Variants in FGF14 observed in about 807,000 individuals in gnomAD.
FGF14 encodes fibroblast growth factor 14, also known as fibroblast growth factor homologous factor 4.
FGF14 carries 5 observed loss-of-function variants against 25.5 expected under a neutral mutation model. The ratio of observed to expected loss-of-function variants is 0.20; its 90% CI spans 0.10 to 0.41. FGF14 has a LOEUF of 0.41. Ranked by LOEUF, FGF14 falls within the 10% of genes least tolerant of loss-of-function variation. The pLI, the probability that FGF14 is intolerant of heterozygous loss-of-function variation, is 1.00. For synonymous variants in FGF14, 138 were observed against 118.3 expected (o/e 1.17, Z -1.08); for missense variants, 222 against 320.1 (o/e 0.69, Z 2.34).
chr13:101,765,683 A>G (rs1165584279), intron 3 of FGF14, among the ~76,000 whole-genome samples: 1 of 151,584 alleles, frequency 6.6e-6, no homozygotes, highest in East Asian at 1.9e-4. Context: ...TCCTCTGTGC[A>G]TATAGAAGCC....
chr13:101,840,954 C>T (rs1002861381), intron 3 of FGF14, among the ~76,000 whole-genome samples: 2 of 151,986 alleles, frequency 1.3e-5, no homozygotes, highest in South Asian at 2.1e-4. Context: ...GAGGAGTTTA[C>T]GCTGTCAAGT....
chr13:102,297,611 C>T (rs2054789123), intron 1 of FGF14, among the ~76,000 whole-genome samples: 1 of 151,670 alleles, frequency 6.6e-6, no homozygotes, highest in East Asian at 1.9e-4. Flanking sequence ...TAAAAAAGGG[C>T]ATAGGGGTTC....
chr13:102,310,175 C>T (rs2055654284), intron 1 of FGF14, among the ~76,000 whole-genome samples: 2 of 152,158 alleles, frequency 1.3e-5, no homozygotes, highest in African/African-American at 4.8e-5. Flanking sequence ...TTTGGAAAGG[C>T]TTTAATTCTA....
chr13:101,748,899 G>T (rs1422943416), intron 3 of FGF14, among the ~76,000 whole-genome samples: 1 of 151,916 alleles, frequency 6.6e-6, no homozygotes, highest in East Asian at 1.9e-4. Context: ...ACATCTGAGA[G>T]GTGGAAGCAA....
Position 102,148,184 on chromosome 13 carries a change from T to C in FGF14, c.208+253287A>G, listed in dbSNP as rs143510704. ...TGTGCAGTTACTCTCTAAAATCTTA[T>C]CTTATATTTAAATTCAATGTAACTT... On this transcript the variant is annotated intron_variant, in intron 1 of 4. Coordinates refer to the FGF14 transcript ENST00000376131. Among the ~76,000 whole-genome samples the C allele has an allele frequency of 4.3e-3, 659 of 152,286 alleles. 14 individuals carry two copies. The highest frequency in any genetic ancestry group is 0.015 in the African/African-American group (622 of 41,566).
At chr13:102,235,413 G>C (rs929353080) in intron 1 of FGF14, among the ~76,000 whole-genome samples, 2 of 152,136 alleles carry the variant, frequency 1.3e-5, no homozygotes, top group South Asian at 4.1e-4. Context: ...GCTGCTCAAA[G>C]TTTGGTCTGT....
intron 3 of FGF14, among the ~76,000 whole-genome samples, chr13:101,773,886 G>A (rs971220906): frequency 2.0e-5 from 3 of 147,864 alleles, no homozygotes; most frequent in East Asian, 2.0e-4. Context: ...GAGCTAGAAG[G>A]GGGGCACCAT....
At chr13:102,195,646 T>C (rs533913864) in intron 1 of FGF14, among the ~76,000 whole-genome samples, 7 of 151,818 alleles carry the variant, frequency 4.6e-5, no homozygotes, top group African/African-American at 1.7e-4. Context: ...ACCCCATCTG[T>C]ACAAAAAATA....
At chr13:102,131,999 G>A (rs566223820) in intron 1 of FGF14, among the ~76,000 whole-genome samples, 1 of 152,256 alleles carries the variant, frequency 6.6e-6, no homozygotes, top group East Asian at 1.9e-4. Flanking sequence ...GGAAGGACTT[G>A]GGAAAATAAG....
Position 101,799,522 on chromosome 13 carries a change from T to C in FGF14, c.408+69203A>G, listed in dbSNP as rs1271432581. Among the ~76,000 whole-genome samples, 6 of 152,106 alleles carry C rather than the reference T, an allele frequency of 3.9e-5. No individual in the cohort carries two copies. In the South Asian group the frequency reaches 6.2e-4, roughly 16 times the overall value. On this transcript the variant is annotated intron_variant, in intron 3 of 4. Coordinates refer to ENST00000376143, the MANE Select transcript of FGF14 (RefSeq NM_004115.4). ...ATAAAGGATTTAAGGCAGCAAAACA[T>C]GGCGTTAGGTCAATTTAAATAATGC...
chr13:101,716,019 C>T lies in FGF14; in HGVS notation c.*6812G>A, dbSNP rs2034705875. Reference sequence around the variant, plus strand: ...AGAGGCCAGGGATGCTGCTGAGCATCCCGCAGTGTACAGGACAGCCCCCAA... The same window carrying T: ...AGAGGCCAGGGATGCTGCTGAGCATTCCGCAGTGTACAGGACAGCCCCCAA... On this transcript the variant is annotated 3_prime_UTR_variant, in exon 5 of 5. Coordinates refer to ENST00000376143, the MANE Select transcript of FGF14 (RefSeq NM_004115.4). 2 of 236,256 alleles carry T rather than the reference C, an allele frequency of 8.5e-6. No individual in the cohort carries two copies. The highest frequency in any genetic ancestry group is 8.4e-6 in the Non-Finnish European group (1 of 118,354). The allele number at this position is 236,256 out of a possible 1,614,324, so 14.6% of individuals were successfully genotyped here.
chr13:102,141,499 T>C (rs2046642437), intron 1 of FGF14, among the ~76,000 whole-genome samples: 1 of 152,196 alleles, frequency 6.6e-6, no homozygotes, highest in African/African-American at 2.4e-5. Context: ...AGAAAATGCA[T>C]TTGTGGAAAA....
chr13:102,166,268 AT>A (rs1390086990), intron 1 of FGF14, among the ~76,000 whole-genome samples: 1 of 151,784 alleles, frequency 6.6e-6, no homozygotes, highest in East Asian at 1.9e-4. Flanking sequence ...CATTCACTTT[AT>A]TTTATTTTAT....
chr13:101,884,159 G>T (rs1280927603), intron 1 of FGF14, among the ~76,000 whole-genome samples: 1 of 150,754 alleles, frequency 6.6e-6, no homozygotes, highest in African/African-American at 2.4e-5. Context: ...ATGATGGCGT[G>T]AATGTGAAAG....
At chr13:101,858,310 T>C (rs2044232851) in intron 3 of FGF14, among the ~76,000 whole-genome samples, 1 of 151,932 alleles carries the variant, frequency 6.6e-6, no homozygotes, top group African/African-American at 2.4e-5. Context: ...CACATGTGTG[T>C]ATAATTTTTA....
At chr13:101,911,525 C>A (rs79740481) in intron 1 of FGF14, among the ~76,000 whole-genome samples, 1,714 of 152,200 alleles carry the variant, frequency 0.011, 18 homozygotes, top group Middle Eastern at 0.027. Flanking sequence ...TTTTCAGAAA[C>A]CTATAGCAAA....
At chr13:101,986,310 T>C (rs2038576250) in intron 1 of FGF14, among the ~76,000 whole-genome samples, 1 of 152,138 alleles carries the variant, frequency 6.6e-6, no homozygotes, top group African/African-American at 2.4e-5. Context: ...CTTTCCGGTT[T>C]GTGATGATCC....
At chr13:102,055,101 T>C (rs987199181) in intron 1 of FGF14, among the ~76,000 whole-genome samples, 15 of 152,198 alleles carry the variant, frequency 9.9e-5, no homozygotes, top group African/African-American at 3.4e-4. Flanking sequence ...GCCAGTTCCT[T>C]AATTGTTTCT....
intron 3 of FGF14, among the ~76,000 whole-genome samples, chr13:101,739,021 T>C (rs2036369459): frequency 6.7e-6 from 1 of 148,154 alleles, no homozygotes; most frequent in African/African-American, 2.5e-5. Flanking sequence ...TATCTATATA[T>C]ATATATAGGT....
Sources: gnomAD v4.1 joint callset for allele counts (sites outside exome capture counted in the v4.1 genomes callset) on GRCh38, gnomAD v4.1.1 for gene constraint, MANE v1.5 for transcripts, NCBI Gene and HGNC (gene_info 2026-07-23, HGNC 2026-07-21) for gene names.